The following PCDHA11 variants were observed in gnomAD, a reference collection of about 807,000 sequenced individuals.
PCDHA11 encodes protocadherin alpha-11.
PCDHA11 carries 61 observed loss-of-function variants against 70.3 expected under a neutral mutation model. That is an observed-to-expected ratio of 0.87 (90% CI 0.71 to 1.07). The LOEUF (loss-of-function observed/expected upper bound fraction) is 1.07. Ranked by LOEUF, PCDHA11 falls within the 50% of genes least tolerant of loss-of-function variation. The probability of loss-of-function intolerance (pLI) is 0.00; values close to 1 mark genes in which losing one functional copy is unlikely to be tolerated. For missense variants in PCDHA11, 1,324 were observed against 1,237.5 expected (o/e 1.07, Z -1.05); for synonymous variants, 633 against 555.1 (o/e 1.14, Z -1.97).
intron 1 of PCDHA11, among the ~76,000 whole-genome samples, chr5:140,923,975 T>C (rs1475895954): frequency 2.0e-5 from 3 of 152,222 alleles, no homozygotes; most frequent in African/African-American, 7.2e-5. Flanking sequence ...CCACACATAC[T>C]ATCCCTCTAG....
At position 140,877,725 on chromosome 5, in the gene PCDHA11, G is replaced by T. The variant is rs570815670; in HGVS notation, c.2391+6231G>T. On this transcript the variant is annotated intron_variant, in intron 1 of 3. Coordinates refer to ENST00000398640, the MANE Select transcript of PCDHA11 (RefSeq NM_018902.5). Reference sequence around the variant, plus strand: ...GCGCCGTGGGGAGTTGGTCTTACTCGCAGCAGAGGAGGCAGAGGGTGTGCT... The same window carrying T: ...GCGCCGTGGGGAGTTGGTCTTACTCTCAGCAGAGGAGGCAGAGGGTGTGCT... 5.6e-6 allele frequency: 9 copies of T among 1,614,124 alleles called. No individual in the cohort carries two copies. The South Asian group carries it at 8.8e-5, about 16-fold the overall frequency.
rs782058857 is a variant in PCDHA11 at position 140,870,963 on chromosome 5, G to A, written c.1860G>A (p.Pro620=). Reference sequence around the variant, plus strand: ...CGGCGGCGGGCGGCTCGCGCATCCCGTTCCGCGTGGGGCTGTACACGGGCG... The same window carrying A: ...CGGCGGCGGGCGGCTCGCGCATCCCATTCCGCGTGGGGCTGTACACGGGCG... ...LQPAAGGSRI[P]FRVGLYTGEI... The change falls in exon 1 of 4, where the codon CCG becomes CCA. Residue 620 remains proline, a synonymous_variant. Coordinates refer to ENST00000398640, the MANE Select transcript of PCDHA11 (RefSeq NM_018902.5). 1.4e-5 allele frequency: 22 copies of A among 1,613,504 alleles called. 1 individual carries two copies. The highest frequency in any genetic ancestry group is 1.9e-5 in the Non-Finnish European group (22 of 1,179,890).
chr5:140,927,607 C>T, intron 1 of PCDHA11: 2 of 1,614,180 alleles, frequency 1.2e-6, no homozygotes, highest in Non-Finnish European at 8.5e-7. Flanking sequence ...CTCCGTATAC[C>T]GCACCAAGGT....
intron 1 of PCDHA11, among the ~76,000 whole-genome samples, chr5:140,974,533 C>T (rs540810616): frequency 1.5e-4 from 23 of 152,160 alleles, no homozygotes; most frequent in Middle Eastern, 6.8e-3. Flanking sequence ...TTTTTTGAGA[C>T]GGAGTTTTGC....
chr5:141,005,000 G>A (rs2098192261), intron 3 of PCDHA11, among the ~76,000 whole-genome samples: 1 of 152,176 alleles, frequency 6.6e-6, no homozygotes, highest in Non-Finnish European at 1.5e-5. Context: ...GGTCTCCTAA[G>A]CCCTGAGAGC....
chr5:140,987,207 C>A (rs1475441121), intron 3 of PCDHA11, among the ~76,000 whole-genome samples: 1 of 148,672 alleles, frequency 6.7e-6, no homozygotes, highest in African/African-American at 2.5e-5. Context: ...GAGTGAGACT[C>A]CATCTCAAAA....
chr5:140,932,430 G>A (rs1563132683), intron 1 of PCDHA11, among the ~76,000 whole-genome samples: 1 of 151,794 alleles, frequency 6.6e-6, no homozygotes, highest in East Asian at 1.9e-4. Context: ...TGTTCACCTG[G>A]AATTAAAGCA....
chr5:140,927,073 C>T (rs782173390), intron 1 of PCDHA11: 11 of 1,611,108 alleles, frequency 6.8e-6, no homozygotes, highest in Middle Eastern at 1.7e-4. Context: ...CCTTTCCAGC[C>T]ACCGCGAGCT....
chr5:140,968,099 G>A, intron 1 of PCDHA11: 3 of 1,614,100 alleles, frequency 1.9e-6, no homozygotes, highest in South Asian at 1.1e-5. Flanking sequence ...CACAGATGGG[G>A]GAATACCGCA....
chr5:140,881,326 C>G, intron 1 of PCDHA11: 1 of 984,388 alleles, frequency 1.0e-6, no homozygotes, highest in Non-Finnish European at 1.2e-6. Flanking sequence ...TTCTATTTAA[C>G]CAGGACGCCG....
chr5:141,006,405 C>A (rs782532612), intron 3 of PCDHA11, among the ~76,000 whole-genome samples: 1 of 151,798 alleles, frequency 6.6e-6, no homozygotes, highest in Non-Finnish European at 1.5e-5. Context: ...AGTAGAGACG[C>A]GGTTTCACTG....
intron 3 of PCDHA11, among the ~76,000 whole-genome samples, chr5:141,005,079 T>TTAGTACTTTACA (rs1375552328): frequency 3.3e-5 from 5 of 152,356 alleles, no homozygotes; most frequent in Non-Finnish European, 7.3e-5. Flanking sequence ...AGGATCAAGC[T>TTAGTACTTTACA]TAGTACTTTA....
At chr5:140,971,977 G>A (rs891260348) in intron 1 of PCDHA11, among the ~76,000 whole-genome samples, 1 of 152,022 alleles carries the variant, frequency 6.6e-6, no homozygotes, top group Non-Finnish European at 1.5e-5. Context: ...AATACTATGA[G>A]TAGACAGAAG....
At chr5:140,935,253 A>G (rs1469038997) in intron 1 of PCDHA11, among the ~76,000 whole-genome samples, 1 of 152,226 alleles carries the variant, frequency 6.6e-6, no homozygotes, top group Non-Finnish European at 1.5e-5. Flanking sequence ...GATAAAATAC[A>G]TCACATGTTT....
At chr5:140,885,434 T>C (rs1554182149) in intron 1 of PCDHA11, among the ~76,000 whole-genome samples, 1 of 152,158 alleles carries the variant, frequency 6.6e-6, no homozygotes, top group African/African-American at 2.4e-5. Context: ...AGTGTAAGTG[T>C]GCAATTATAT....
At chr5:140,994,809 C>G (rs1366407347) in intron 3 of PCDHA11, among the ~76,000 whole-genome samples, 1 of 152,016 alleles carries the variant, frequency 6.6e-6, no homozygotes, top group Non-Finnish European at 1.5e-5. Flanking sequence ...AAACAAAATA[C>G]AAAAAACTGA....
At chr5:140,877,583 T>A (rs782090888) in intron 1 of PCDHA11, 2 of 1,613,816 alleles carry the variant, frequency 1.2e-6, no homozygotes, top group East Asian at 4.5e-5. Context: ...ATCATCGCCA[T>A]CTGTGCGGTG....
chr5:140,884,230 C>T, intron 1 of PCDHA11: 8 of 1,613,384 alleles, frequency 5.0e-6, no homozygotes, highest in Non-Finnish European at 6.8e-6. Flanking sequence ...TGAAGGACCA[C>T]GGTGAGCCCG....
intron 2 of PCDHA11, 146 bp downstream of exon 2, chr5:140,979,153 G>A (rs2096837239): frequency 2.8e-6 from 4 of 1,434,028 alleles, no homozygotes; most frequent in Non-Finnish European, 2.7e-6. Context: ...TTGTCCCCAT[G>A]TTTATTCCTT....
Sources: gnomAD v4.1 joint callset for allele counts (sites outside exome capture counted in the v4.1 genomes callset) on GRCh38, gnomAD v4.1.1 for gene constraint, MANE v1.5 for transcripts, NCBI Gene and HGNC (gene_info 2026-07-23, HGNC 2026-07-21) for gene names.